PECR: variants seen among roughly 807,000 people sequenced by gnomAD.
The protein encoded by PECR is peroxisomal trans-2-enoyl-CoA reductase.
Under a neutral mutation model 35.3 loss-of-function variants are expected in PECR, and 30 were observed. That is an observed-to-expected ratio of 0.85 (90% confidence interval 0.64 to 1.15). The LOEUF is 1.15. Ranked by LOEUF, PECR falls within the 50% of genes most tolerant of loss-of-function variation. The pLI, the probability that PECR is intolerant of heterozygous loss-of-function variation, is 0.00. For missense variants in PECR, 392 were observed against 370.8 expected, an observed-to-expected ratio of 1.06 and a Z score of -0.47; for synonymous variants, 148 against 138.9, an observed-to-expected ratio of 1.07 and a Z score of -0.46.
At chr2:216,048,417 G>C (rs1695038171) in intron 6 of PECR, among the ~76,000 whole-genome samples, 1 of 149,238 alleles carries the variant, frequency 6.7e-6, no homozygotes, top group African/African-American at 2.5e-5. Flanking sequence ...TGCATTTCAA[G>C]ACTGATGCAA....
intron 7 of PECR, among the ~76,000 whole-genome samples, chr2:216,043,003 G>GTA (rs1404893293): frequency 6.7e-5 from 7 of 104,938 alleles, no homozygotes; most frequent in South Asian, 2.4e-4. Flanking sequence ...ATACGTATAT[G>GTA]TGTATATATA....
At chr2:216,043,298 C>T (rs1292739609) in intron 7 of PECR, among the ~76,000 whole-genome samples, 1 of 151,720 alleles carries the variant, frequency 6.6e-6, no homozygotes, top group African/African-American at 2.4e-5. Context: ...TTAGTAGAGA[C>T]GGGGTTTCAC....
At chr2:216,061,491 G>A (rs7582662) in intron 3 of PECR, among the ~76,000 whole-genome samples, 3,056 of 152,060 alleles carry the variant, frequency 0.02, 112 homozygotes, top group African/African-American at 0.07. Flanking sequence ...TTAGACAAGC[G>A]AAAAAATTTA....
intron 1 of PECR, among the ~76,000 whole-genome samples, chr2:216,070,859 T>C (rs1695575023): frequency 6.6e-6 from 1 of 152,216 alleles, no homozygotes; most frequent in South Asian, 2.1e-4. Flanking sequence ...GTGACTGCCC[T>C]CAGCATTCCT....
intron 4 of PECR, 61 bp downstream of exon 4, chr2:216,058,834 T>C: frequency 1.1e-6 from 1 of 884,542 alleles, no homozygotes; most frequent in East Asian, 2.4e-5. Context: ...CCTAACATGC[T>C]TCCCCCAATC....
chr2:216,059,319 C>T (rs576480423), intron 3 of PECR, among the ~76,000 whole-genome samples: 16 of 152,268 alleles, frequency 1.1e-4, no homozygotes, highest in South Asian at 4.1e-4. Flanking sequence ...TTTACCTTTT[C>T]GAAAATCTAA....
At chr2:216,078,020 T>TAA (rs201383225) in intron 1 of PECR, among the ~76,000 whole-genome samples, 21 of 138,026 alleles carry the variant, frequency 1.5e-4, no homozygotes, top group South Asian at 6.9e-4. Context: ...TATTTTTCGT[T>TAA]AAAAAAAAAA....
chr2:216,078,687 T>C (rs1041273237), intron 1 of PECR, among the ~76,000 whole-genome samples: 5 of 152,230 alleles, frequency 3.3e-5, no homozygotes, highest in Admixed American at 6.5e-5. Flanking sequence ...TTTAAGTATA[T>C]GATGTCTTTT....
At chr2:216,047,326 C>T (rs1323607314) in intron 6 of PECR, among the ~76,000 whole-genome samples, 1 of 150,866 alleles carries the variant, frequency 6.6e-6, no homozygotes, top group Non-Finnish European at 1.5e-5. Flanking sequence ...TCTGGAAAGA[C>T]ATTCACCAAA....
At chr2:216,044,981 T>C (rs1052722207) in intron 6 of PECR, among the ~76,000 whole-genome samples, 5 of 152,162 alleles carry the variant, frequency 3.3e-5, no homozygotes, top group Non-Finnish European at 5.9e-5. Context: ...AGCTCTGGGG[T>C]TGGGGTCCCA....
At chr2:216,039,576 T>C (rs1694853280) in intron 7 of PECR, among the ~76,000 whole-genome samples, 1 of 152,260 alleles carries the variant, frequency 6.6e-6, no homozygotes, top group South Asian at 2.1e-4. Flanking sequence ...TTCCTGAGCC[T>C]CAGTTTCCTC....
chr2:216,065,381 T>C lies in PECR; in HGVS notation c.355A>G (p.Ile119Val). 6.2e-7 allele frequency: 1 copy of C among 1,608,904 alleles called. No individual in the cohort carries two copies. Among genetic ancestry groups the C allele is most frequent in the Non-Finnish European group, 8.5e-7 (1 of 1,175,174 alleles). ...GGQFLSPAEH[I>V]SSKGWHAVLE... Reference sequence around the variant, plus strand: ...ACAGCGTGCCATCCCTTAGAACTGATGTGTTCAGCAGGGGAAAGAAACTGG... The same window carrying C: ...ACAGCGTGCCATCCCTTAGAACTGACGTGTTCAGCAGGGGAAAGAAACTGG... The change falls in exon 3 of 8, where the codon ATC (isoleucine) becomes GTC (valine). Residue 119 changes from isoleucine (I) to valine (V), a missense_variant. Transcript: ENST00000265322.
chr2:216,031,360 T>C (rs2105935132), intron 7 of PECR, among the ~76,000 whole-genome samples: 1 of 148,648 alleles, frequency 6.7e-6, no homozygotes. Flanking sequence ...TGAGCTGAGA[T>C]TGTACCACTG....
intron 4 of PECR, among the ~76,000 whole-genome samples, chr2:216,055,459 A>T (rs1695207791): frequency 6.6e-6 from 1 of 151,664 alleles, no homozygotes; most frequent in Admixed American, 6.6e-5. Flanking sequence ...ACAAAAAAAC[A>T]AAAAAACAAA....
At chr2:216,035,635 C>T (rs1694781882), downstream of PECR, among the ~76,000 whole-genome samples, 1 of 152,042 alleles carries the variant, frequency 6.6e-6, no homozygotes, top group Non-Finnish European at 1.5e-5. Context: ...TACAGACGCC[C>T]GCCACCAGGC....
intron 7 of PECR, among the ~76,000 whole-genome samples, chr2:216,029,932 T>C (rs1479170199): frequency 6.6e-6 from 1 of 152,252 alleles, no homozygotes; most frequent in East Asian, 1.9e-4. Context: ...GTATCTCTTA[T>C]GGCCTGTGGT....
intron 3 of PECR, among the ~76,000 whole-genome samples, chr2:216,065,020 G>C (rs1695435741): frequency 1.3e-5 from 2 of 152,154 alleles, no homozygotes; most frequent in South Asian, 4.1e-4. Flanking sequence ...CAGAGTAAGT[G>C]TGAGAGTTTT....
At chr2:216,071,973 T>C (rs1372836749) in intron 1 of PECR, among the ~76,000 whole-genome samples, 1 of 152,228 alleles carries the variant, frequency 6.6e-6, no homozygotes, top group Non-Finnish European at 1.5e-5. Flanking sequence ...ATGATCATTG[T>C]TACAATGCCA....
intron 1 of PECR, among the ~76,000 whole-genome samples, chr2:216,076,439 C>T (rs1029462073): frequency 3.3e-5 from 5 of 152,134 alleles, no homozygotes; most frequent in African/African-American, 1.2e-4. Context: ...TGGAAATTAC[C>T]TAAAAATTCA....
Sources: gnomAD v4.1 joint callset for allele counts (sites outside exome capture counted in the v4.1 genomes callset) on GRCh38, gnomAD v4.1.1 for gene constraint, MANE v1.5 for transcripts, NCBI Gene and HGNC (gene_info 2026-07-23, HGNC 2026-07-21) for gene names.